PITPNC1: variants seen among roughly 807,000 people sequenced by gnomAD.
PITPNC1 encodes the protein cytoplasmic phosphatidylinositol transfer protein 1.
PITPNC1 carries 18 observed loss-of-function variants against 44.7 expected under a neutral mutation model. The ratio of observed to expected loss-of-function variants is 0.40; its 90% CI spans 0.28 to 0.60. The LOEUF (loss-of-function observed/expected upper bound fraction) is 0.60. Ranked by LOEUF, PITPNC1 falls within the 20% of genes least tolerant of loss-of-function variation. PITPNC1 has a pLI of 0.39. For missense variants in PITPNC1, 290 were observed against 418.4 expected, an observed-to-expected ratio of 0.69 and a Z score of 2.68; for synonymous variants, 141 against 149.6, an observed-to-expected ratio of 0.94 and a Z score of 0.42.
At chr17:67,405,553 C>T (rs753887049) in intron 1 of PITPNC1, among the ~76,000 whole-genome samples, 4 of 151,726 alleles carry the variant, frequency 2.6e-5, no homozygotes, top group Non-Finnish European at 5.9e-5. Flanking sequence ...ATCTATCGTC[C>T]GTTTAATAAG....
chr17:67,542,375 A>C (rs900006521), intron 2 of PITPNC1, among the ~76,000 whole-genome samples: 3 of 152,228 alleles, frequency 2.0e-5, no homozygotes, highest in African/African-American at 7.2e-5. Flanking sequence ...CCATTGTTTA[A>C]TCATCACAAC....
At chr17:67,671,497 G>T (rs1311009614) in intron 7 of PITPNC1, among the ~76,000 whole-genome samples, 3 of 152,140 alleles carry the variant, frequency 2.0e-5, no homozygotes, top group East Asian at 3.9e-4. Context: ...TGTCTATTGA[G>T]ATTGGGGGCC....
intron 1 of PITPNC1, among the ~76,000 whole-genome samples, chr17:67,434,817 A>T (rs2038911939): frequency 6.7e-6 from 1 of 148,154 alleles, no homozygotes; most frequent in African/African-American, 2.5e-5. Flanking sequence ...AAAAAAATAA[A>T]AAAATAAAAG....
In PITPNC1 at chr17:67,515,028, T is replaced by C. The variant is rs143259725; in HGVS notation, c.49-17774T>C. On this transcript the variant is annotated intron_variant, in intron 1 of 8. Coordinates refer to ENST00000581322, the MANE Select transcript of PITPNC1 (RefSeq NM_012417.4). ...GCTCAGTCTCCCAACTGAAAACTCA[T>C]TGTAAGAATTGAATTTGCCATCTAA... 1.8e-4 allele frequency among the ~76,000 whole-genome samples: 28 copies of C among 152,264 alleles called. 1 individual carries two copies. The East Asian group carries it at 4.4e-3, about 24-fold the overall frequency.
chr17:67,433,104 G>A (rs2038880384), intron 1 of PITPNC1, among the ~76,000 whole-genome samples: 2 of 152,168 alleles, frequency 1.3e-5, no homozygotes, highest in African/African-American at 4.8e-5. Context: ...TGGATGAATC[G>A]TGGGAGCAAG....
rs1290567195 is a variant in PITPNC1, at chr17:67,636,231, G to A, written c.462+3993G>A. Among the ~76,000 whole-genome samples, 13 of 146,254 alleles carry A rather than the reference G, an allele frequency of 8.9e-5. No homozygotes were observed. In the East Asian group the frequency reaches 2.2e-3, roughly 25 times the overall value. On this transcript the variant is annotated intron_variant, in intron 6 of 8. Transcript: ENST00000581322. ...GAGAATCACTTGAACCCAGGAGGCC[G>A]AGATTGCGCTACTGCACTCCAGCCC...
At chr17:67,488,681 C>G (rs2039818268) in intron 1 of PITPNC1, among the ~76,000 whole-genome samples, 1 of 152,238 alleles carries the variant, frequency 6.6e-6, no homozygotes, top group East Asian at 1.9e-4. Context: ...CACTATCCAT[C>G]TGCAGAACTC....
At chr17:67,549,852 G>A (rs1220318365) in intron 2 of PITPNC1, among the ~76,000 whole-genome samples, 2 of 152,166 alleles carry the variant, frequency 1.3e-5, no homozygotes, top group Non-Finnish European at 2.9e-5. Context: ...TGGCTTACGT[G>A]AGGGAGATTC....
At chr17:67,537,259 A>G (rs778925872) in intron 2 of PITPNC1, among the ~76,000 whole-genome samples, 46 of 152,224 alleles carry the variant, frequency 3.0e-4, no homozygotes, top group Non-Finnish European at 5.6e-4. Flanking sequence ...TAAAGAGGAA[A>G]GGAAGAAACA....
intron 1 of PITPNC1, among the ~76,000 whole-genome samples, chr17:67,395,034 A>G (rs1444657889): frequency 1.3e-5 from 2 of 152,200 alleles, no homozygotes; most frequent in Non-Finnish European, 2.9e-5. Flanking sequence ...ATATCTATTT[A>G]TGTATATATT....
intron 1 of PITPNC1, among the ~76,000 whole-genome samples, chr17:67,461,841 G>C (rs1232094180): frequency 1.3e-5 from 2 of 152,138 alleles, no homozygotes; most frequent in Middle Eastern, 3.2e-3. Flanking sequence ...AAAAAACTTA[G>C]ATTTTTGGAC....
chr17:67,608,501 T>G (rs1004543797), intron 5 of PITPNC1, among the ~76,000 whole-genome samples: 3 of 151,342 alleles, frequency 2.0e-5, no homozygotes, highest in Non-Finnish European at 4.4e-5. Context: ...CTTTTTTTTT[T>G]TTTTTTGAGA....
At position 67,691,798 on chromosome 17, in the gene PITPNC1, G is replaced by A. The variant is rs191269317; in HGVS notation, c.683-774G>A. On this transcript the variant is annotated intron_variant, in intron 8 of 8. Transcript: ENST00000581322. ...AGGCAGGCGGATCACTTGAGGTGAG[G>A]AATTCAAGACCAGCCTAGGCAACAT... is the stretch of plus-strand genomic sequence containing the variant. Among the ~76,000 whole-genome samples the A allele has an allele frequency of 7.0e-3, 1,072 of 152,190 alleles. 4 individuals carry two copies. The highest frequency in any genetic ancestry group is 9.5e-3 in the Non-Finnish European group (645 of 68,014).
intron 5 of PITPNC1, among the ~76,000 whole-genome samples, chr17:67,615,433 G>A (rs1014285485): frequency 5.3e-5 from 8 of 152,142 alleles, no homozygotes; most frequent in Non-Finnish European, 8.8e-5. Flanking sequence ...CAGAGAGCAG[G>A]GCTGCCGGCC....
At chr17:67,575,808 TTC>T (rs909365871) in intron 4 of PITPNC1, among the ~76,000 whole-genome samples, 3 of 107,776 alleles carry the variant, frequency 2.8e-5, no homozygotes, top group Admixed American at 9.8e-5. Context: ...CTTTCTTTCT[TTC>T]TTTCTTTCTT....
At position 67,622,381 on chromosome 17, in the gene PITPNC1, C is replaced by CATATAT. The variant is rs57000667; in HGVS notation, c.367-9751_367-9746dup. On this transcript the variant is annotated intron_variant, in intron 5 of 8. Coordinates refer to ENST00000581322, the MANE Select transcript of PITPNC1 (RefSeq NM_012417.4). ...ATACTCTTGGGTTGGATTGTATATT[C>CATATAT]ATATATATATATATATTCATAAATA... 1.6e-3 allele frequency among the ~76,000 whole-genome samples: 233 copies of CATATAT among 147,964 alleles called. 1 individual carries two copies. The highest frequency in any genetic ancestry group is 5.5e-3 in the African/African-American group (221 of 40,550).
intron 4 of PITPNC1, among the ~76,000 whole-genome samples, chr17:67,576,768 G>GGACAAA (rs1389722381): frequency 6.6e-6 from 1 of 152,160 alleles, no homozygotes; most frequent in Admixed American, 6.6e-5. Flanking sequence ...TCCCTCGTGT[G>GGACAAA]GACAAAGACA....
chr17:67,483,050 T>A (rs974983607), intron 1 of PITPNC1, among the ~76,000 whole-genome samples: 5 of 152,168 alleles, frequency 3.3e-5, no homozygotes, highest in African/African-American at 1.2e-4. Flanking sequence ...GAACTTCTGG[T>A]AGAAACTCCT....
Position 67,378,052 on chromosome 17 carries a change from AGCGCCGGGCTCCGG to A in PITPNC1, c.-97_-84del. On this transcript the variant is annotated 5_prime_UTR_variant, in exon 1 of 9. Transcript: ENST00000581322. ...GGGGCTGCTTCGCCCTCCGGCTCCG[AGCGCCGGGCTCCGG>A]GCGCCCTGCCCTGCGCCTGGGCAGC... The A allele has an allele frequency of 1.6e-6, 1 of 620,888 alleles. No individual in the cohort carries two copies. The highest frequency in any genetic ancestry group is 2.5e-6 in the Non-Finnish European group (1 of 399,388). The allele number at this position is 620,888 out of a possible 1,614,324, so 38.5% of individuals were successfully genotyped here.
Sources: allele counts gnomAD v4.1 joint callset (sites outside exome capture counted in the v4.1 genomes callset), GRCh38; gene constraint gnomAD v4.1.1; transcripts MANE v1.5; gene names NCBI Gene and HGNC (gene_info 2026-07-23, HGNC 2026-07-21).